Variants in ABCD3 observed in about 807,000 individuals in gnomAD.
ABCD3 encodes the protein ATP binding cassette subfamily D member 3.
A neutral mutation model predicts 105.5 loss-of-function variants in ABCD3; 41 were observed. That is an observed-to-expected ratio of 0.39 (90% CI 0.30 to 0.50). The LOEUF (loss-of-function observed/expected upper bound fraction) is 0.50. Ranked by LOEUF, ABCD3 falls within the 20% of genes least tolerant of loss-of-function variation. The probability of loss-of-function intolerance (pLI) is 0.84; values close to 1 mark genes in which losing one functional copy is unlikely to be tolerated. For synonymous variants in ABCD3, 258 were observed against 269.0 expected, an observed-to-expected ratio of 0.96 and a Z score of 0.40; for missense variants, 622 against 806.3, an observed-to-expected ratio of 0.77 and a Z score of 2.77.
the ABCD3 span, among the ~76,000 whole-genome samples, chr1:94,402,633 C>T: frequency 6.6e-6 from 1 of 152,194 alleles, no homozygotes; most frequent in Non-Finnish European, 1.5e-5. Context: ...ATAATGTCCT[C>T]AACAACGTCC....
At chr1:94,403,078 T>A in the ABCD3 span, among the ~76,000 whole-genome samples, 1 of 151,660 alleles carries the variant, frequency 6.6e-6, no homozygotes, top group East Asian at 1.9e-4. Flanking sequence ...CTTGCGATAG[T>A]TTACTGAGAA....
At chr1:94,419,628 C>G (rs188272332) in intron 1 of ABCD3, among the ~76,000 whole-genome samples, 6 of 152,206 alleles carry the variant, frequency 3.9e-5, no homozygotes, top group Non-Finnish European at 7.4e-5. Context: ...TGTTGCCTCC[C>G]GTGTTTGATT....
At chr1:94,475,560 GTTTTATC>G in intron 6 of ABCD3, 47 bp from the exon 7 acceptor site, 1 of 1,565,592 alleles carries the variant, frequency 6.4e-7, no homozygotes, top group Non-Finnish European at 8.8e-7. Context: ...TTTTGTTGTT[GTTTTATC>G]TTTAAAGTCA....
At chr1:94,447,433 TCTTTACTATCCC>T (rs1189729818) in intron 1 of ABCD3, among the ~76,000 whole-genome samples, 1 of 152,242 alleles carries the variant, frequency 6.6e-6, no homozygotes, top group African/African-American at 2.4e-5. Flanking sequence ...AAAGACTGTT[TCTTTACTATCCC>T]CTTAGCTGAG....
At chr1:94,453,276 C>G (rs938440181) in intron 1 of ABCD3, among the ~76,000 whole-genome samples, 1 of 151,390 alleles carries the variant, frequency 6.6e-6, no homozygotes, top group Non-Finnish European at 1.5e-5. Context: ...TTCAGTTTTT[C>G]AGTCTGTTTT....
chr1:94,488,586 TTGA>T (rs1197294514), intron 13 of ABCD3, among the ~76,000 whole-genome samples: 1 of 152,122 alleles, frequency 6.6e-6, no homozygotes, highest in Non-Finnish European at 1.5e-5. Flanking sequence ...CTGAAGAAGT[TTGA>T]TGACTGAATA....
chr1:94,438,649 C>T (rs1293002629), intron 1 of ABCD3, among the ~76,000 whole-genome samples: 4 of 152,164 alleles, frequency 2.6e-5, no homozygotes, highest in Non-Finnish European at 2.9e-5. Context: ...TTGCCACAGC[C>T]ACCCCAGCCT....
chr1:94,466,215 A>G (rs567008419), intron 3 of ABCD3, among the ~76,000 whole-genome samples: 1 of 152,292 alleles, frequency 6.6e-6, no homozygotes, highest in East Asian at 1.9e-4. Flanking sequence ...GTGCAAGCAT[A>G]TATTTTAATT....
At chr1:94,507,392 G>A (rs1419061188) in intron 21 of ABCD3, among the ~76,000 whole-genome samples, 2 of 152,188 alleles carry the variant, frequency 1.3e-5, no homozygotes, top group East Asian at 3.9e-4. Context: ...GTCTATCTTT[G>A]TTGGACATTT....
chr1:94,504,053 C>T (rs952719748), intron 20 of ABCD3, among the ~76,000 whole-genome samples: 2 of 151,830 alleles, frequency 1.3e-5, no homozygotes, highest in African/African-American at 4.8e-5. Flanking sequence ...GCTGGGACTA[C>T]AGGCACGCAT....
At position 94,496,746 on chromosome 1, in the gene ABCD3, C is replaced by T. The variant is rs149405280; in HGVS notation, c.1387-1856C>T. Among the ~76,000 whole-genome samples the T allele has an allele frequency of 1.8e-3, 102 of 56,622 alleles. 3 individuals are homozygous for T. The East Asian group carries it at 0.048, about 26-fold the overall frequency. The allele number at this position is 56,622 out of a possible 152,430, so 37.1% of individuals were successfully genotyped here. ...TTTGAATAGGATAGCTACATTCCTG[C>T]TTCAGTGCCTTTGTACCAGCAAATT... On this transcript the variant is annotated intron_variant, in intron 16 of 22. Transcript: ENST00000370214.
chr1:94,396,378 A>G, the ABCD3 span, among the ~76,000 whole-genome samples: 1 of 152,146 alleles, frequency 6.6e-6, no homozygotes, highest in Admixed American at 6.5e-5. Flanking sequence ...ACAAAATCTC[A>G]CTTACTGAAC....
At chr1:94,394,397 T>C in the ABCD3 span, among the ~76,000 whole-genome samples, 22 of 152,330 alleles carry the variant, frequency 1.4e-4, no homozygotes, top group Non-Finnish European at 2.6e-4. Flanking sequence ...TCTGATTACC[T>C]TTGCTGATAG....
At chr1:94,427,927 A>T (rs1415392713) in intron 1 of ABCD3, among the ~76,000 whole-genome samples, 1 of 152,198 alleles carries the variant, frequency 6.6e-6, no homozygotes, top group Non-Finnish European at 1.5e-5. Flanking sequence ...TGTTTTAGGC[A>T]TCTCTGTCAA....
intron 16 of ABCD3, among the ~76,000 whole-genome samples, chr1:94,491,826 G>A (rs937101222): frequency 2.0e-5 from 3 of 152,076 alleles, no homozygotes; most frequent in South Asian, 2.1e-4. Context: ...GTTTTTGTAC[G>A]ATTTGTAAGA....
At chr1:94,511,659 A>G (rs1218163060) in intron 21 of ABCD3, among the ~76,000 whole-genome samples, 1 of 152,036 alleles carries the variant, frequency 6.6e-6, no homozygotes, top group Non-Finnish European at 1.5e-5. Flanking sequence ...CTTTTCACAT[A>G]GTCCCATATT....
intron 1 of ABCD3, among the ~76,000 whole-genome samples, chr1:94,456,502 T>G (rs985474300): frequency 6.6e-6 from 1 of 151,430 alleles, no homozygotes; most frequent in African/African-American, 2.4e-5. Flanking sequence ...GGTCTTGAAC[T>G]CCTGAGCTCA....
At position 94,449,508 on chromosome 1, in the gene ABCD3, T is replaced by C. The variant is rs532933500; in HGVS notation, c.111-9099T>C. On this transcript the variant is annotated intron_variant, in intron 1 of 22. Transcript: ENST00000370214. ...GGCTGGCAGTAATGCCTGGATGTAA[T>C]CACTCTATGACACAGTTACACATGC... Among the ~76,000 whole-genome samples the C allele has an allele frequency of 3.3e-4, 50 of 152,342 alleles. No homozygotes were observed. In the South Asian group the frequency reaches 0.01, roughly 31 times the overall value.
At chr1:94,487,862 A>G in intron 12 of ABCD3, 30 bp from the exon 13 acceptor site, 1 of 1,606,682 alleles carries the variant, frequency 6.2e-7, no homozygotes, top group South Asian at 1.1e-5. Flanking sequence ...TAGAACTATA[A>G]GTAAAAACTA....
Sources: gnomAD v4.1 joint callset for allele counts (sites outside exome capture counted in the v4.1 genomes callset) on GRCh38, gnomAD v4.1.1 for gene constraint, MANE v1.5 for transcripts, NCBI Gene and HGNC (gene_info 2026-07-23, HGNC 2026-07-21) for gene names.